The following PYGB variants were observed in gnomAD, a reference collection of about 807,000 sequenced individuals.
PYGB encodes glycogen phosphorylase, brain form.
PYGB carries 82 observed loss-of-function variants against 94.3 expected under a neutral mutation model. The ratio of observed to expected loss-of-function variants is 0.87; its 90% confidence interval spans 0.73 to 1.04. The LOEUF is 1.04. Ranked by LOEUF, PYGB falls within the 50% of genes least tolerant of loss-of-function variation. PYGB has a pLI of 0.00. For missense variants in PYGB, 1,132 were observed against 1,158.2 expected (o/e 0.98, Z 0.33); for synonymous variants, 488 against 479.1 (o/e 1.02, Z -0.24).
chr20:25,252,613 A>G (rs2092891154), intron 1 of PYGB, among the ~76,000 whole-genome samples: 1 of 152,226 alleles, frequency 6.6e-6, no homozygotes, highest in Non-Finnish European at 1.5e-5. Context: ...TGCGTTTACC[A>G]ATTACTTACA....
chr20:25,291,086 G>A lies in PYGB; in HGVS notation c.1969+464G>A, dbSNP rs534283328. ...GGACATGCACCAGGCCAGTGGGGTT[G>A]TGGGCCCCCAGCTTCCCCCAACTCC... On this transcript the variant is annotated intron_variant, in intron 16 of 19. Transcript: ENST00000216962. Among the ~76,000 whole-genome samples the A allele has an allele frequency of 7.0e-4, 107 of 152,078 alleles. 1 individual carries two copies. The highest frequency in any genetic ancestry group is 3.4e-3 in the Middle Eastern group (1 of 294).
At chr20:25,285,604 C>G (rs1024507493) in intron 14 of PYGB, 3 of 152,126 alleles carry the variant, frequency 2.0e-5, no homozygotes, top group Admixed American at 6.6e-5. Flanking sequence ...AGGCAGCCAA[C>G]AGGCTGGTGC....
At chr20:25,279,231 G>C (rs1179030143) in intron 9 of PYGB, 82 bp downstream of exon 9, 5 of 1,417,802 alleles carry the variant, frequency 3.5e-6, no homozygotes, top group South Asian at 2.5e-5. Context: ...GAGCTGGGGG[G>C]CCTCTTCCCT....
intron 2 of PYGB, among the ~76,000 whole-genome samples, chr20:25,262,597 A>G (rs2092916030): frequency 1.3e-5 from 2 of 152,186 alleles, no homozygotes; most frequent in Non-Finnish European, 2.9e-5. Context: ...AGCTAACATC[A>G]TAATGACAGG....
chr20:25,274,396 A>G (rs2088292079), intron 4 of PYGB, among the ~76,000 whole-genome samples, 196 bp from the exon 5 acceptor site: 2 of 152,132 alleles, frequency 1.3e-5, no homozygotes, highest in African/African-American at 4.8e-5. Flanking sequence ...TGAGTTTGTT[A>G]CTTTAGTGTC....
chr20:25,267,557 G>A (rs996513080), intron 2 of PYGB, among the ~76,000 whole-genome samples: 3 of 152,036 alleles, frequency 2.0e-5, no homozygotes, highest in Non-Finnish European at 4.4e-5. Context: ...TTGAGACAGG[G>A]TCTTGCTCTG....
intron 14 of PYGB, among the ~76,000 whole-genome samples, chr20:25,286,701 G>A (rs143989689): frequency 2.0e-5 from 3 of 152,304 alleles, no homozygotes; most frequent in Non-Finnish European, 4.4e-5. Flanking sequence ...CTGGAGGCCA[G>A]GACCTGCCTT....
chr20:25,294,118 T>C, intron 17 of PYGB, 40 bp from the exon 18 acceptor site: 1 of 1,606,634 alleles, frequency 6.2e-7, no homozygotes, highest in Non-Finnish European at 8.5e-7. Flanking sequence ...GTGGCCCACC[T>C]GGGGCGCTGG....
In PYGB at chr20:25,248,402, A is replaced by G. The variant is rs1228872347; in HGVS notation, c.224A>G (p.Tyr75Cys). ...VGRWIRTQQHYYERDPKRIYY... is the reference protein window; with the variant it reads ...VGRWIRTQQHCYERDPKRIYY... ...CGCTGGATCCGCACGCAGCAGCACT[A>G]CTACGAGCGCGACCCCAAGGTGAGG... Residue 75 changes from tyrosine (Y) to cysteine (C), a missense_variant, in exon 1 of 20, where the codon TAC becomes TGC. Tyr to Cys is a radical substitution (Grantham distance 194). Transcript: ENST00000216962. 2 of 1,553,978 alleles carry G rather than the reference A, an allele frequency of 1.3e-6. No individual in the cohort carries two copies. The highest frequency in any genetic ancestry group is 1.9e-5 in the Admixed American group (1 of 53,444).
In PYGB at chr20:25,296,426, C is replaced by A. The variant is rs977518115; in HGVS notation, c.2436C>A (p.Phe812Leu). ...VIRNIACSGK[F>L]SSDRTITEYA... Reference sequence around the variant, plus strand: ...GGAACATCGCCTGCTCGGGCAAGTTCTCCAGTGACCGGACCATCACGGAGT... The same window carrying A: ...GGAACATCGCCTGCTCGGGCAAGTTATCCAGTGACCGGACCATCACGGAGT... Residue 812 changes from phenylalanine to leucine, a missense_variant, in exon 20 of 20, where the codon TTC becomes TTA. Transcript: ENST00000216962. 6.2e-7 allele frequency: 1 copy of A among 1,614,104 alleles called. No individual in the cohort carries two copies.
At chr20:25,275,299 T>G (rs2088301250) in intron 5 of PYGB, among the ~76,000 whole-genome samples, 1 of 152,002 alleles carries the variant, frequency 6.6e-6, no homozygotes, top group Non-Finnish European at 1.5e-5. Flanking sequence ...GAGCCTAGAG[T>G]GCTCGGCAGC....
At chr20:25,265,799 G>A (rs2088212882) in intron 2 of PYGB, among the ~76,000 whole-genome samples, 1 of 151,826 alleles carries the variant, frequency 6.6e-6, no homozygotes, top group Non-Finnish European at 1.5e-5. Context: ...GTTTCACCAT[G>A]TTAGCCAGGA....
chr20:25,271,335 T>C (rs376147173), intron 3 of PYGB, 48 bp from the exon 4 acceptor site: 32 of 1,574,726 alleles, frequency 2.0e-5, no homozygotes, highest in Middle Eastern at 3.3e-4. Context: ...GCATGGGACC[T>C]TGGTGCCGTG....
chr20:25,278,206 C>A, intron 7 of PYGB, 113 bp from the exon 8 acceptor site: 1 of 1,254,352 alleles, frequency 8.0e-7, no homozygotes, highest in South Asian at 1.6e-5. Context: ...GGCAGCTGGG[C>A]TGGGCTCCTC....
At chr20:25,254,225 C>T (rs775947144) in intron 1 of PYGB, among the ~76,000 whole-genome samples, 67 of 152,270 alleles carry the variant, frequency 4.4e-4, no homozygotes, top group Non-Finnish European at 8.8e-4. Flanking sequence ...CTGTTGTCTG[C>T]AAATCTTTTC....
intron 11 of PYGB, among the ~76,000 whole-genome samples, chr20:25,281,760 G>C (rs2261784): frequency 0.45 from 68,333 of 151,710 alleles, 15,955 homozygotes; most frequent in East Asian, 0.92. Context: ...TTTCCGCACG[G>C]ACCGCTCTGG....
At chr20:25,278,943 C>T (rs907060834) in intron 8 of PYGB, 114 bp from the exon 9 acceptor site, 12 of 831,656 alleles carry the variant, frequency 1.4e-5, no homozygotes, top group Middle Eastern at 2.6e-4. Context: ...CCAGGCTTCT[C>T]GGGGGTGGGG....
At chr20:25,278,891 G>A (rs759865320) in intron 8 of PYGB, among the ~76,000 whole-genome samples, 166 bp from the exon 9 acceptor site, 4 of 150,388 alleles carry the variant, frequency 2.7e-5, no homozygotes, top group South Asian at 2.1e-4. Flanking sequence ...GTGCGAGCCC[G>A]ACTGTCCTCC....
intron 18 of PYGB, chr20:25,294,683 G>A (rs961179053): frequency 2.1e-5 from 12 of 583,988 alleles, no homozygotes; most frequent in African/African-American, 9.3e-5. Flanking sequence ...CTGCGGAACC[G>A]CGGCAGGCGT....
Sources: gnomAD v4.1 joint callset for allele counts (sites outside exome capture counted in the v4.1 genomes callset) on GRCh38, gnomAD v4.1.1 for gene constraint, MANE v1.5 for transcripts, NCBI Gene and HGNC (gene_info 2026-07-23, HGNC 2026-07-21) for gene names.